The following PPARGC1B variants were observed in gnomAD, a reference collection of about 807,000 sequenced individuals.
PPARGC1B encodes the protein PPARG coactivator 1 beta.
A neutral mutation model predicts 101.6 loss-of-function variants in PPARGC1B; 34 were observed. The ratio of observed to expected loss-of-function variants is 0.33; its 90% CI spans 0.25 to 0.45. PPARGC1B has a LOEUF of 0.45. Ranked by LOEUF, PPARGC1B falls within the 20% of genes least tolerant of loss-of-function variation. The pLI, the probability that PPARGC1B is intolerant of heterozygous loss-of-function variation, is 1.00. For missense variants in PPARGC1B, 1,234 were observed against 1,317.6 expected (o/e 0.94, Z 0.98); for synonymous variants, 548 against 539.3 (o/e 1.02, Z -0.22).
At chr5:149,774,707 G>T (rs1450490540) in intron 1 of PPARGC1B, among the ~76,000 whole-genome samples, 1 of 151,972 alleles carries the variant, frequency 6.6e-6, no homozygotes, top group East Asian at 1.9e-4. Context: ...TGACCTGGCA[G>T]CTGGGCAGGC....
At chr5:149,789,552 C>T (rs1052637158) in intron 1 of PPARGC1B, among the ~76,000 whole-genome samples, 2 of 152,198 alleles carry the variant, frequency 1.3e-5, no homozygotes, top group Non-Finnish European at 2.9e-5. Context: ...GTGTGTTAGG[C>T]ACTGTTCTGA....
intron 1 of PPARGC1B, among the ~76,000 whole-genome samples, chr5:149,765,424 CTG>C (rs1755873087): frequency 6.6e-6 from 1 of 152,182 alleles, no homozygotes; most frequent in Admixed American, 6.5e-5. Context: ...AGATGTGAGA[CTG>C]GGGTCAAATC....
chr5:149,820,851 G>A (rs564157125), intron 2 of PPARGC1B, among the ~76,000 whole-genome samples: 6 of 152,246 alleles, frequency 3.9e-5, no homozygotes, highest in African/African-American at 1.4e-4. Flanking sequence ...TGCTCTCTAG[G>A]CCTCCCGAGC....
At chr5:149,735,553 G>A (rs1561844731) in intron 1 of PPARGC1B, among the ~76,000 whole-genome samples, 1 of 152,166 alleles carries the variant, frequency 6.6e-6, no homozygotes. Flanking sequence ...ACCCCATGCA[G>A]TTTTCTGAGC....
chr5:149,782,057 T>C (rs1440771279), intron 1 of PPARGC1B, among the ~76,000 whole-genome samples: 1 of 151,972 alleles, frequency 6.6e-6, no homozygotes, highest in East Asian at 1.9e-4. Context: ...GGGGATGGCT[T>C]CTTGGTGGAG....
intron 9 of PPARGC1B, 34 bp downstream of exon 9, chr5:149,840,150 A>G: frequency 1.3e-6 from 2 of 1,590,040 alleles, no homozygotes; most frequent in Non-Finnish European, 1.7e-6. Flanking sequence ...CCTGGAGTGA[A>G]TGGGAACGGA....
intron 1 of PPARGC1B, among the ~76,000 whole-genome samples, chr5:149,791,624 A>T (rs1045950938): frequency 7.2e-5 from 11 of 152,034 alleles, no homozygotes; most frequent in African/African-American, 2.4e-4. Context: ...GCAAATGTCA[A>T]TTTCTGCAGA....
chr5:149,822,099 A>G (rs1461893075), intron 2 of PPARGC1B, among the ~76,000 whole-genome samples: 2 of 152,192 alleles, frequency 1.3e-5, no homozygotes, highest in African/African-American at 4.8e-5. Context: ...TGCTTGAACA[A>G]TGGGGACAAT....
At chr5:149,747,115 C>T (rs1248717525) in intron 1 of PPARGC1B, among the ~76,000 whole-genome samples, 1 of 152,114 alleles carries the variant, frequency 6.6e-6, no homozygotes, top group African/African-American at 2.4e-5. Context: ...TCTAATTTGT[C>T]TATTTTTTCT....
chr5:149,839,646 A>G (rs1048060643), intron 8 of PPARGC1B, among the ~76,000 whole-genome samples: 4 of 152,162 alleles, frequency 2.6e-5, no homozygotes, highest in Non-Finnish European at 4.4e-5. Flanking sequence ...TGAGCCTCAG[A>G]TTTTTCATCT....
rs551030698 is a variant in PPARGC1B at position 149,817,118 on chromosome 5, C to T, written c.79-3315C>T. Reference sequence around the variant, plus strand: ...TCCCCACGGGGGTCTTTGCCTCTGACTGTCCCTCTGCCTGCAATGCTCTTC... The same window carrying T: ...TCCCCACGGGGGTCTTTGCCTCTGATTGTCCCTCTGCCTGCAATGCTCTTC... On this transcript the variant is annotated intron_variant, in intron 1 of 11. Coordinates refer to ENST00000309241, the MANE Select transcript of PPARGC1B (RefSeq NM_133263.4). 3.8e-3 allele frequency among the ~76,000 whole-genome samples: 585 copies of T among 152,290 alleles called. 3 individuals carry two copies. Among genetic ancestry groups the T allele is most frequent in the African/African-American group, 0.013 (551 of 41,554 alleles).
In PPARGC1B at chr5:149,833,440, C is replaced by G. The variant is rs768640913; in HGVS notation, c.1367C>G (p.Pro456Arg). 1.3e-6 allele frequency: 2 copies of G among 1,579,066 alleles called. No individual in the cohort carries two copies. The highest frequency in any genetic ancestry group is 2.3e-5 in the South Asian group (2 of 87,668). The change falls in exon 5 of 12, where the codon CCA (proline) becomes CGA (arginine). Residue 456 changes from proline to arginine, a missense_variant. Around this residue, in one of 3 missense-constraint regions of PPARGC1B, gnomAD observed 734 missense variants for 768.4 expected, o/e 0.96. Coordinates refer to ENST00000309241, the MANE Select transcript of PPARGC1B (RefSeq NM_133263.4). The surrounding 1 kb of genome is among the most constrained non-coding windows in gnomAD (Gnocchi z 4.1). Reference protein sequence around the residue: ...EEEEEWGRKRPGRGLPWTKLG... With the variant: ...EEEEEWGRKRRGRGLPWTKLG... ...GAGGAGGAGTGGGGCAGGAAAAGGC[C>G]AGGCCGAGGCCTGCCATGGACGAAG... is the stretch of plus-strand genomic sequence containing the variant.
At position 149,809,115 on chromosome 5, in the gene PPARGC1B, T is replaced by TTAGATAGATAGATAGA. The variant is rs10635808; in HGVS notation, c.79-11284_79-11269dup. 2.1e-3 allele frequency among the ~76,000 whole-genome samples: 177 copies of TTAGATAGATAGATAGA among 84,126 alleles called. 1 individual carries two copies. The highest frequency in any genetic ancestry group is 2.7e-3 in the Non-Finnish European group (113 of 42,570). 55.2% of individuals were successfully genotyped at this position (84,126 alleles called of 152,430 possible). ...ACACAGAAAGACCCCTATCTCCACC[T>TTAGATAGATAGATAGA]TAGATAGATAGATAGATAGATAGAT... On this transcript the variant is annotated intron_variant, in intron 1 of 11. Coordinates refer to ENST00000309241, the MANE Select transcript of PPARGC1B (RefSeq NM_133263.4).
Position 149,847,820 on chromosome 5 carries a change from G to C in PPARGC1B, c.*262G>C, listed in dbSNP as rs925310478. The C allele has an allele frequency of 4.1e-6, 2 of 482,858 alleles. No individual in the cohort carries two copies. Among genetic ancestry groups the C allele is most frequent in the Admixed American group, 7.1e-5 (2 of 28,050 alleles). The allele number at this position is 482,858 out of a possible 1,614,324, so 29.9% of individuals were successfully genotyped here. ...CCTCGCTTCCAACGGGTTGTCCCGG[G>C]TGCACCTCGAAGTGCCGGGTCCGTC... On this transcript the variant is annotated 3_prime_UTR_variant, in exon 12 of 12. Coordinates refer to ENST00000309241, the MANE Select transcript of PPARGC1B (RefSeq NM_133263.4).
intron 4 of PPARGC1B, among the ~76,000 whole-genome samples, chr5:149,831,757 G>A (rs1758792254): frequency 1.3e-5 from 2 of 152,214 alleles, no homozygotes; most frequent in South Asian, 4.1e-4. Flanking sequence ...CACACTTGGG[G>A]GGAAAGCCCC....
At chr5:149,762,767 C>T (rs577089759) in intron 1 of PPARGC1B, among the ~76,000 whole-genome samples, 1 of 152,230 alleles carries the variant, frequency 6.6e-6, no homozygotes, top group East Asian at 1.9e-4. Context: ...CTCTAGTTCT[C>T]CCTCATGGCG....
At chr5:149,819,495 T>G (rs183326540) in intron 1 of PPARGC1B, among the ~76,000 whole-genome samples, 2,267 of 131,454 alleles carry the variant, frequency 0.017, 25 homozygotes, top group Non-Finnish European at 0.027. Context: ...TTTGTTTTTG[T>G]TTTTTTTTGT....
chr5:149,843,475 A>G (rs1281456970), intron 10 of PPARGC1B, among the ~76,000 whole-genome samples: 5 of 152,214 alleles, frequency 3.3e-5, no homozygotes, highest in African/African-American at 1.2e-4. Context: ...GATGGCCACT[A>G]TCAAAAAACC....
chr5:149,840,005 A>G, intron 8 of PPARGC1B, 36 bp from the exon 9 acceptor site: 1 of 1,607,652 alleles, frequency 6.2e-7, no homozygotes, highest in African/African-American at 1.3e-5. Flanking sequence ...GTATCTCCCG[A>G]GAGTGAGTGC....
Sources: gnomAD v4.1 joint callset for allele counts (sites outside exome capture counted in the v4.1 genomes callset) on GRCh38, gnomAD v4.1.1 for gene constraint, gnomAD v4.1.1 regional missense constraint, Gnocchi (gnomAD v3.1) non-coding constraint, MANE v1.5 for transcripts, NCBI Gene and HGNC (gene_info 2026-07-23, HGNC 2026-07-21) for gene names.